Variants in CAPSL observed in about 807,000 individuals in gnomAD.
CAPSL encodes the protein calcyphosine like.
CAPSL carries 17 observed loss-of-function variants against 21.3 expected under a neutral mutation model. The ratio of observed to expected loss-of-function variants is 0.80; its 90% CI spans 0.55 to 1.20. The LOEUF (loss-of-function observed/expected upper bound fraction) is 1.20, where lower values mean the gene tolerates loss of function less well. Ranked by LOEUF, CAPSL falls within the 50% of genes most tolerant of loss-of-function variation. CAPSL has a pLI of 0.00. For synonymous variants in CAPSL, 102 were observed against 89.3 expected, an observed-to-expected ratio of 1.14 and a Z score of -0.80; for missense variants, 289 against 259.3, an observed-to-expected ratio of 1.11 and a Z score of -0.79.
chr5:35,919,170 A>AAAAAACATAT (rs754098152), intron 2 of CAPSL, among the ~76,000 whole-genome samples: 1 of 121,274 alleles, frequency 8.2e-6, no homozygotes, highest in Non-Finnish European at 1.8e-5. Context: ...TAAAAAAAAA[A>AAAAAACATAT]ATATATATAT....
At chr5:35,922,174 A>G (rs1738556644) in intron 1 of CAPSL, among the ~76,000 whole-genome samples, 2 of 152,042 alleles carry the variant, frequency 1.3e-5, no homozygotes, top group Admixed American at 1.3e-4. Context: ...ATTAGGACTG[A>G]ATTATTTTCA....
chr5:35,919,206 A>T (rs1470231094), intron 2 of CAPSL, among the ~76,000 whole-genome samples: 1 of 144,220 alleles, frequency 6.9e-6, no homozygotes, highest in Non-Finnish European at 1.5e-5. Flanking sequence ...TTGTGAAATT[A>T]GTTTGGATCT....
chr5:35,932,179 C>A (rs1738840944), intron 1 of CAPSL, among the ~76,000 whole-genome samples: 1 of 152,092 alleles, frequency 6.6e-6, no homozygotes, highest in Non-Finnish European at 1.5e-5. Context: ...TGTCATAGTG[C>A]CAACATCAGC....
chr5:35,921,015 T>C lies in CAPSL; in HGVS notation c.106A>G (p.Arg36Gly), dbSNP rs777068806. 1.9e-6 allele frequency: 3 copies of C among 1,614,126 alleles called. No individual in the cohort carries two copies. The highest frequency in any genetic ancestry group is 2.5e-6 in the Non-Finnish European group (3 of 1,180,018). Residue 36 changes from arginine (R) to glycine (G), a missense_variant, in exon 2 of 5, where the codon AGG becomes GGG. Transcript: ENST00000651391. ...IERLRLQCLA[R>G]GSAGIKGLGR... ...AGTCCTTTGATCCCAGCAGAGCCCCTGGCCAGGCACTGCAGTCGGAGTCTT... is the reference window on the plus strand; with the variant it reads ...AGTCCTTTGATCCCAGCAGAGCCCCCGGCCAGGCACTGCAGTCGGAGTCTT...
At chr5:35,920,654 T>C (rs1402041013) in intron 2 of CAPSL, among the ~76,000 whole-genome samples, 1 of 152,214 alleles carries the variant, frequency 6.6e-6, no homozygotes, top group Non-Finnish European at 1.5e-5. Flanking sequence ...CACCCTGGCC[T>C]TTATTATCAC....
intron 1 of CAPSL, among the ~76,000 whole-genome samples, chr5:35,921,912 A>T (rs1447134011): frequency 6.6e-6 from 1 of 151,526 alleles, no homozygotes; most frequent in African/African-American, 2.4e-5. Flanking sequence ...ATTGGATAAG[A>T]TGGTCTTTAA....
At position 35,938,175 on chromosome 5, in the gene CAPSL, A is replaced by G. The variant is rs1260955566; in HGVS notation, c.-1+366T>C. Among the ~76,000 whole-genome samples the G allele has an allele frequency of 2.0e-5, 3 of 152,342 alleles. No individual in the cohort carries two copies. In the East Asian group the frequency reaches 5.8e-4, roughly 29 times the overall value. On this transcript the variant is annotated intron_variant, in intron 1 of 4. Transcript: ENST00000651391. ...ACTTGGAAATGCTGAACCTCCCTGA[A>G]GCTCAGTTTTATCAGTGGTCATCAG...
chr5:35,938,520 T>C (rs1016522602), intron 1 of CAPSL, 21 bp downstream of exon 1: 1 of 152,768 alleles, frequency 6.5e-6, no homozygotes, highest in African/African-American at 2.4e-5. Flanking sequence ...AATCATAGAA[T>C]AGATAAAAAC....
intron 2 of CAPSL, among the ~76,000 whole-genome samples, chr5:35,912,720 C>A (rs1272958661): frequency 6.6e-6 from 1 of 152,160 alleles, no homozygotes; most frequent in African/African-American, 2.4e-5. Context: ...ATGTCACCAT[C>A]ATCAAAGACC....
At chr5:35,923,932 C>G (rs1253125816) in intron 1 of CAPSL, among the ~76,000 whole-genome samples, 1 of 152,116 alleles carries the variant, frequency 6.6e-6, no homozygotes, top group Non-Finnish European at 1.5e-5. Flanking sequence ...ACAGATGTTA[C>G]TAGCTAGATT....
chr5:35,912,834 C>T (rs979347548), intron 2 of CAPSL, among the ~76,000 whole-genome samples: 1 of 152,192 alleles, frequency 6.6e-6, no homozygotes, highest in Admixed American at 6.5e-5. Context: ...CAGCTCCTCA[C>T]CAGCAATGGA....
intron 1 of CAPSL, among the ~76,000 whole-genome samples, chr5:35,926,089 A>AC (rs1218519641): frequency 2.8e-4 from 42 of 151,362 alleles, no homozygotes; most frequent in Non-Finnish European, 4.0e-4. Flanking sequence ...AAAAAAAAAA[A>AC]AAAAACGAAA....
At chr5:35,929,622 T>C (rs538348973) in intron 1 of CAPSL, among the ~76,000 whole-genome samples, 1 of 152,258 alleles carries the variant, frequency 6.6e-6, no homozygotes, top group East Asian at 1.9e-4. Flanking sequence ...CATTCAACAG[T>C]TACACCATGA....
chr5:35,919,521 C>T (rs1027990067), intron 2 of CAPSL, among the ~76,000 whole-genome samples: 5 of 152,138 alleles, frequency 3.3e-5, no homozygotes, highest in Non-Finnish European at 7.4e-5. Flanking sequence ...GTCAATGCTT[C>T]ACAGAATGCT....
At chr5:35,937,663 G>A (rs563964002) in intron 1 of CAPSL, among the ~76,000 whole-genome samples, 3 of 152,244 alleles carry the variant, frequency 2.0e-5, no homozygotes, top group Admixed American at 2.0e-4. Flanking sequence ...CATATCATCA[G>A]GGCTTAGCAG....
intron 1 of CAPSL, among the ~76,000 whole-genome samples, chr5:35,937,229 A>T (rs1054959839): frequency 8.5e-5 from 13 of 152,226 alleles, no homozygotes; most frequent in African/African-American, 3.1e-4. Context: ...AGCAATCTTT[A>T]GAAAATGAAA....
At chr5:35,933,452 C>T (rs1738869750) in intron 1 of CAPSL, among the ~76,000 whole-genome samples, 1 of 152,154 alleles carries the variant, frequency 6.6e-6, no homozygotes, top group Non-Finnish European at 1.5e-5. Flanking sequence ...GTTGCATCTG[C>T]CAGTCCCCCA....
At chr5:35,910,663 C>T (rs1317581335) in intron 2 of CAPSL, 120 bp from the exon 3 acceptor site, 1 of 701,992 alleles carries the variant, frequency 1.4e-6, no homozygotes, top group African/African-American at 1.8e-5. Flanking sequence ...GTCTTAAATT[C>T]TTCTCTGCAC....
rs764212974 is a variant in CAPSL at position 35,910,460 on chromosome 5, A to C, written c.221T>G (p.Val74Gly). 1 of 1,613,316 alleles carries C rather than the reference A, an allele frequency of 6.2e-7. No homozygotes were observed. Among genetic ancestry groups the C allele is most frequent in the Non-Finnish European group, 8.5e-7 (1 of 1,179,408 alleles). The stretch of plus-strand genomic sequence containing the variant: ...TTCTTCCACCTCTTCTTTTTCCATG[A>C]CCACAGCATAATCATTTAACCCTTT... The part of the protein sequence containing the change: ...FMKGLNDYAV[V>G]MEKEEVEELF... The change falls in exon 3 of 5, where the codon GTC becomes GGC. Residue 74 changes from valine (V) to glycine (G), a missense_variant. Physicochemically the swap from Val to Gly is moderately radical, Grantham distance 109. Coordinates refer to ENST00000651391, the MANE Select transcript of CAPSL (RefSeq NM_001042625.2).
Sources: gnomAD v4.1 joint callset for allele counts (sites outside exome capture counted in the v4.1 genomes callset) on GRCh38, gnomAD v4.1.1 for gene constraint, MANE v1.5 for transcripts, NCBI Gene and HGNC (gene_info 2026-07-23, HGNC 2026-07-21) for gene names.